DCLK2: variants seen among roughly 807,000 people sequenced by gnomAD.
The protein encoded by DCLK2 is serine/threonine-protein kinase DCLK2.
In DCLK2, 31 loss-of-function variants were observed where a neutral mutation model predicts 78.4. The observed-to-expected ratio is 0.40, with a 90% CI of 0.30 to 0.53. The LOEUF is 0.53. DCLK2 is among the 20% of genes least tolerant of loss of function. The pLI, the probability that DCLK2 is intolerant of heterozygous loss-of-function variation, is 0.61. For missense variants in DCLK2, 872 were observed against 973.7 expected (o/e 0.90, Z 1.39); for synonymous variants, 407 against 374.9 (o/e 1.09, Z -0.99).
rs555002399 is a variant in DCLK2, at chr4:150,153,488, A to G, written c.757-39650A>G. Among the ~76,000 whole-genome samples, 11 of 152,072 alleles carry G rather than the reference A, an allele frequency of 7.2e-5. 1 individual carries two copies. Among genetic ancestry groups the G allele is most frequent in the Middle Eastern group, 6.8e-3 (2 of 294 alleles). On this transcript the variant is annotated intron_variant, in intron 2 of 15. Transcript: ENST00000296550. ...AGTGCAGTGGTACAATAATGACTCAATGCAACCTTGACCTCCTGGGCCCAA... is the reference window on the plus strand; with the variant it reads ...AGTGCAGTGGTACAATAATGACTCAGTGCAACCTTGACCTCCTGGGCCCAA...
chr4:150,160,008 T>C (rs1735588747), intron 2 of DCLK2, among the ~76,000 whole-genome samples: 1 of 151,958 alleles, frequency 6.6e-6, no homozygotes, highest in Admixed American at 6.6e-5. Flanking sequence ...TTTTTTTAAT[T>C]TTTATTATTT....
intron 5 of DCLK2, among the ~76,000 whole-genome samples, chr4:150,220,464 A>G (rs1240287966): frequency 1.3e-5 from 2 of 152,172 alleles, no homozygotes; most frequent in Admixed American, 6.5e-5. Flanking sequence ...AAAAAATAAC[A>G]TAATTTCAAA....
At chr4:150,175,404 C>A (rs887397370) in intron 2 of DCLK2, 2 of 151,522 alleles carry the variant, frequency 1.3e-5, no homozygotes, top group Non-Finnish European at 2.9e-5. Context: ...ATTGTGGTCT[C>A]CAGATTCAGG....
chr4:150,102,941 GTGTGTGTGTGTA>G (rs1480860280), intron 2 of DCLK2, 129 bp downstream of exon 2: 5 of 858,844 alleles, frequency 5.8e-6, no homozygotes, highest in Non-Finnish European at 8.6e-6. Flanking sequence ...TTGAGATTGT[GTGTGTGTGTGTA>G]TGTGTGTGTG....
At position 150,198,028 on chromosome 4, in the gene DCLK2, T is replaced by G; in HGVS notation, c.886T>G (p.Ser296Ala). The G allele has an allele frequency of 6.2e-7, 1 of 1,613,702 alleles. No homozygotes were observed. Among genetic ancestry groups the G allele is most frequent in the Non-Finnish European group, 8.5e-7 (1 of 1,179,896 alleles). The change falls in exon 4 of 16, where the codon TCT becomes GCT. Residue 296 changes from serine (S) to alanine (A), a missense_variant. Physicochemically the swap from Ser to Ala is moderately conservative, Grantham distance 99. Transcript: ENST00000296550. Reference sequence around the variant, plus strand: ...ATGTCGTGTCCTGAAGTCATCTTATTCTCGATCCTCAGCTGTTAAGTATTC... The same window carrying G: ...ATGTCGTGTCCTGAAGTCATCTTATGCTCGATCCTCAGCTGTTAAGTATTC... Reference protein sequence around the residue: ...SECRVLKSSYSRSSAVKYSGS... With the variant: ...SECRVLKSSYARSSAVKYSGS...
intron 15 of DCLK2, among the ~76,000 whole-genome samples, chr4:150,251,675 T>C (rs7672419): frequency 0.038 from 1,851 of 48,980 alleles, 125 homozygotes; most frequent in South Asian, 0.14. Context: ...CACTCTGTTA[T>C]ATGCATTGAG....
At chr4:150,082,480 T>A (rs1560754968) in intron 1 of DCLK2, among the ~76,000 whole-genome samples, 1 of 151,916 alleles carries the variant, frequency 6.6e-6, no homozygotes, top group Non-Finnish European at 1.5e-5. Flanking sequence ...ACCTTGAGAG[T>A]CTCTGGAGAC....
Position 150,079,060 on chromosome 4 carries a change from C to A in DCLK2, c.33C>A (p.His11Gln). 1 of 1,554,834 alleles carries A rather than the reference C, an allele frequency of 6.4e-7. No individual in the cohort carries two copies. Residue 11 changes from histidine (H) to glutamine (Q), a missense_variant, in exon 1 of 16, where the codon CAC (histidine) becomes CAA (glutamine). Physicochemically the swap from His to Gln is conservative, Grantham distance 24. This residue lies in a region of DCLK2 where 567 missense variants were observed against 593.4 expected (regional missense o/e 0.96). Transcript: ENST00000296550. MASTRSIELE[H>Q]FEERDKRPRP... is the part of the protein sequence containing the mutation. Reference sequence around the variant, plus strand: ...GCACCAGGAGTATCGAGCTGGAGCACTTTGAGGAACGGGACAAAAGGCCGC... The same window carrying A: ...GCACCAGGAGTATCGAGCTGGAGCAATTTGAGGAACGGGACAAAAGGCCGC...
chr4:150,253,947 T>G (rs1744370789), intron 15 of DCLK2: 1 of 970,134 alleles, frequency 1.0e-6, no homozygotes, highest in Admixed American at 6.2e-5. Context: ...AAGTGTAATC[T>G]CAGCCAGCCT....
intron 14 of DCLK2, among the ~76,000 whole-genome samples, chr4:150,248,778 G>A (rs866329332): frequency 6.6e-6 from 1 of 152,116 alleles, no homozygotes; most frequent in Non-Finnish European, 1.5e-5. Flanking sequence ...TTCAGGGAAC[G>A]TGCTCTCAGG....
intron 2 of DCLK2, among the ~76,000 whole-genome samples, chr4:150,191,283 C>A (rs1738430738): frequency 6.6e-6 from 1 of 151,918 alleles, no homozygotes; most frequent in African/African-American, 2.4e-5. Context: ...AAAAGGTAGC[C>A]ACTGAGGGCT....
At chr4:150,119,730 A>C (rs185258699) in intron 2 of DCLK2, among the ~76,000 whole-genome samples, 6 of 152,194 alleles carry the variant, frequency 3.9e-5, no homozygotes, top group Non-Finnish European at 8.8e-5. Context: ...CAACTGACTC[A>C]TCCTGAAAAT....
chr4:150,227,831 C>T (rs943954195), intron 8 of DCLK2, among the ~76,000 whole-genome samples: 4 of 152,304 alleles, frequency 2.6e-5, no homozygotes, highest in Admixed American at 2.6e-4. Flanking sequence ...TACATGGGCC[C>T]AGGCAGGACA....
intron 2 of DCLK2, among the ~76,000 whole-genome samples, chr4:150,156,199 G>A (rs1239463164): frequency 6.6e-6 from 1 of 152,012 alleles, no homozygotes; most frequent in African/African-American, 2.4e-5. Context: ...GTTGAGGTGG[G>A]ACAAACTTCA....
rs371378093 is a variant in DCLK2 at position 150,106,557 on chromosome 4, T to A, written c.756+3745T>A. ...TAAATTTTATTTTTTCCTGGTTGCT[T>A]CCTACCCAGATTGGTTGTTTTCATT... On this transcript the variant is annotated intron_variant, in intron 2 of 15. Transcript: ENST00000296550. 5.2e-4 allele frequency among the ~76,000 whole-genome samples: 79 copies of A among 152,354 alleles called. 1 individual carries two copies. In the South Asian group the frequency reaches 8.9e-3, roughly 17 times the overall value.
rs1580460576 is a variant in DCLK2 at position 150,081,133 on chromosome 4, G to A, written c.421+1685G>A. The stretch of plus-strand genomic sequence containing the variant: ...TGCTTAAGCACTTGTTACTCAACAT[G>A]CCATTGGGATACTACTGTTCCTGGT... On this transcript the variant is annotated intron_variant, in intron 1 of 15. Coordinates refer to ENST00000296550, the MANE Select transcript of DCLK2 (RefSeq NM_001040260.4). 2.0e-5 allele frequency among the ~76,000 whole-genome samples: 3 copies of A among 152,298 alleles called. No individual in the cohort carries two copies. In the Middle Eastern group the frequency reaches 0.01, roughly 518 times the overall value.
chr4:150,248,059 T>C (rs1054579053), intron 13 of DCLK2, among the ~76,000 whole-genome samples: 1 of 152,204 alleles, frequency 6.6e-6, no homozygotes, highest in Non-Finnish European at 1.5e-5. Context: ...TGTGGAATAA[T>C]AACAATGACC....
At chr4:150,200,776 ACT>A (rs1322935416) in intron 4 of DCLK2, among the ~76,000 whole-genome samples, 3 of 152,202 alleles carry the variant, frequency 2.0e-5, no homozygotes, top group East Asian at 1.9e-4. Context: ...CTTCAACAAA[ACT>A]CTGTCAGAAT....
chr4:150,079,051 G>C lies in DCLK2; in HGVS notation c.24G>C (p.Glu8Asp). MASTRSIELEHFEERDKR... is the reference protein window; with the variant it reads MASTRSIDLEHFEERDKR... Reference sequence around the variant, plus strand: ...CGATGGCCAGCACCAGGAGTATCGAGCTGGAGCACTTTGAGGAACGGGACA... The same window carrying C: ...CGATGGCCAGCACCAGGAGTATCGACCTGGAGCACTTTGAGGAACGGGACA... Residue 8 changes from glutamate to aspartate, a missense_variant, in exon 1 of 16, where the codon GAG (glutamate) becomes GAC (aspartate). This residue lies in a region of DCLK2 where 567 missense variants were observed against 593.4 expected (regional missense o/e 0.96). Coordinates refer to ENST00000296550, the MANE Select transcript of DCLK2 (RefSeq NM_001040260.4). 1.3e-6 allele frequency: 2 copies of C among 1,552,090 alleles called. No individual in the cohort carries two copies. Among genetic ancestry groups the C allele is most frequent in the Non-Finnish European group, 1.7e-6 (2 of 1,153,936 alleles).
Sources: allele counts gnomAD v4.1 joint callset (sites outside exome capture counted in the v4.1 genomes callset), GRCh38; gene constraint gnomAD v4.1.1; regional missense constraint gnomAD v4.1.1; transcripts MANE v1.5; gene names NCBI Gene and HGNC (gene_info 2026-07-23, HGNC 2026-07-21).